The following TIAM1 variants were observed in gnomAD, a reference collection of about 807,000 sequenced individuals.
TIAM1 encodes TIAM Rac1 associated GEF 1.
In TIAM1, 65 loss-of-function variants were observed where a neutral mutation model predicts 163.5. The observed-to-expected ratio is 0.40, with a 90% CI of 0.33 to 0.49. The LOEUF (loss-of-function observed/expected upper bound fraction) is 0.49. Ranked by LOEUF, TIAM1 falls within the 20% of genes least tolerant of loss-of-function variation. TIAM1 has a pLI of 0.77. For missense variants in TIAM1, 1,789 were observed against 2,044.7 expected (o/e 0.87, Z 2.41); for synonymous variants, 833 against 810.1 (o/e 1.03, Z -0.48).
chr21:31,532,485 G>C (rs940300544), intron 1 of TIAM1, among the ~76,000 whole-genome samples: 1 of 152,084 alleles, frequency 6.6e-6, no homozygotes, highest in Non-Finnish European at 1.5e-5. Flanking sequence ...ACTTTTAAAG[G>C]GGAGTCAAGC....
intron 15 of TIAM1, among the ~76,000 whole-genome samples, chr21:31,176,742 CT>C (rs2084782889): frequency 6.6e-6 from 1 of 152,116 alleles, no homozygotes; most frequent in African/African-American, 2.4e-5. Context: ...TTCCAATTAT[CT>C]TATGATTCCA....
intron 2 of TIAM1, among the ~76,000 whole-genome samples, chr21:31,338,062 C>G (rs1020587221): frequency 6.6e-6 from 1 of 152,106 alleles, no homozygotes; most frequent in Non-Finnish European, 1.5e-5. Flanking sequence ...TCCAGGTCAA[C>G]CCGGAGGTTT....
intron 6 of TIAM1, among the ~76,000 whole-genome samples, chr21:31,228,217 T>C: frequency 4.8e-5 from 1 of 20,884 alleles, no homozygotes; most frequent in East Asian, 2.1e-3. Flanking sequence ...GGCCTCCTTT[T>C]TTTAAAAAAA....
intron 10 of TIAM1, 68 bp from the exon 11 acceptor site, chr21:31,210,283 G>T: frequency 6.5e-7 from 1 of 1,529,002 alleles, no homozygotes. Flanking sequence ...TTCCCAGACT[G>T]CACACAGGAA....
At chr21:31,545,249 G>C (rs990470435) in intron 1 of TIAM1, among the ~76,000 whole-genome samples, 15 of 152,150 alleles carry the variant, frequency 9.9e-5, no homozygotes, top group Admixed American at 9.8e-4. Context: ...ATGATAATGT[G>C]ACAAGCCAAG....
chr21:31,536,669 G>A (rs1232439087), intron 1 of TIAM1, among the ~76,000 whole-genome samples: 1 of 152,226 alleles, frequency 6.6e-6, no homozygotes, highest in African/African-American at 2.4e-5. Flanking sequence ...GGCAGGGCTG[G>A]GGTGAGCAAG....
chr21:31,337,706 A>G (rs2075889088), intron 2 of TIAM1, among the ~76,000 whole-genome samples: 2 of 151,364 alleles, frequency 1.3e-5, no homozygotes, highest in African/African-American at 4.9e-5. Flanking sequence ...TAATTTTTGT[A>G]TTTTAGTAGA....
At chr21:31,234,276 G>A (rs1282725367) in intron 6 of TIAM1, among the ~76,000 whole-genome samples, 1 of 145,176 alleles carries the variant, frequency 6.9e-6, no homozygotes, top group African/African-American at 2.5e-5. Context: ...AAAAGTACAG[G>A]TTACAATAAA....
chr21:31,500,430 C>G (rs1421200615), intron 1 of TIAM1, among the ~76,000 whole-genome samples: 2 of 97,006 alleles, frequency 2.1e-5, no homozygotes, highest in Non-Finnish European at 4.0e-5. Flanking sequence ...AGGCTTTTCC[C>G]CTTTGTCAGC....
At chr21:31,472,869 G>C (rs1187753018) in intron 1 of TIAM1, among the ~76,000 whole-genome samples, 1 of 152,210 alleles carries the variant, frequency 6.6e-6, no homozygotes, top group South Asian at 2.1e-4. Context: ...TTGGCATGGC[G>C]TACGCATCAG....
At chr21:31,435,729 A>G (rs1324350499) in intron 2 of TIAM1, among the ~76,000 whole-genome samples, 1 of 152,218 alleles carries the variant, frequency 6.6e-6, no homozygotes, top group African/African-American at 2.4e-5. Context: ...TTTAATCTCC[A>G]ATGCAACAAT....
rs1601352235 is a variant in TIAM1 at position 31,160,729 on chromosome 21, G to A, written c.2991+4233C>T. 7.9e-6 allele frequency: 3 copies of A among 381,416 alleles called. No homozygotes were observed. The East Asian group carries it at 1.1e-4, about 14-fold the overall frequency. 23.6% of individuals were successfully genotyped at this position (381,416 alleles called of 1,614,324 possible). A position where few individuals can be genotyped will look rare whatever the true frequency, so the allele number is the denominator to read the frequency against. On this transcript the variant is annotated intron_variant, in intron 16 of 27. Coordinates refer to ENST00000541036, the MANE Select transcript of TIAM1 (RefSeq NM_001353694.2). ...TCAACGCAGCAAGGACAGCGACGGT[G>A]AGACCCCGGAGCTGCACTCGCTTCC...
intron 6 of TIAM1, among the ~76,000 whole-genome samples, chr21:31,227,593 G>A (rs113066268): frequency 6.6e-6 from 1 of 151,192 alleles, no homozygotes; most frequent in African/African-American, 2.4e-5. Context: ...GACTGAGTGG[G>A]AGGAGGAGAG....
intron 27 of TIAM1, chr21:31,124,235 G>A: frequency 3.1e-6 from 1 of 326,386 alleles, no homozygotes; most frequent in Non-Finnish European, 5.5e-6. Flanking sequence ...GGATGTGTCT[G>A]CAACCCGACT....
At chr21:31,356,078 C>T (rs958717368) in intron 2 of TIAM1, among the ~76,000 whole-genome samples, 5 of 151,982 alleles carry the variant, frequency 3.3e-5, no homozygotes, top group African/African-American at 1.2e-4. Context: ...TAATTCAAGA[C>T]AAGAAGCATG....
At chr21:31,185,256 G>A (rs2085225457) in intron 14 of TIAM1, among the ~76,000 whole-genome samples, 1 of 151,712 alleles carries the variant, frequency 6.6e-6, no homozygotes, top group African/African-American at 2.4e-5. Flanking sequence ...AGTATAGTGG[G>A]TCGAATAGAG....
intron 2 of TIAM1, among the ~76,000 whole-genome samples, chr21:31,329,448 A>G (rs931349984): frequency 6.6e-6 from 1 of 152,204 alleles, no homozygotes; most frequent in Non-Finnish European, 1.5e-5. Flanking sequence ...GATAAGACTG[A>G]GGCAGGATTT....
At chr21:31,219,406 T>G (rs1569049981) in intron 8 of TIAM1, among the ~76,000 whole-genome samples, 1 of 152,148 alleles carries the variant, frequency 6.6e-6, no homozygotes, top group Non-Finnish European at 1.5e-5. Context: ...TGGAACCTAC[T>G]TGTAGATTCC....
At chr21:31,478,679 C>A (rs924547350) in intron 1 of TIAM1, among the ~76,000 whole-genome samples, 1 of 152,182 alleles carries the variant, frequency 6.6e-6, no homozygotes, top group South Asian at 2.1e-4. Context: ...TCATCCCCTA[C>A]CCATGAGTTT....
Sources: gnomAD v4.1 joint callset for allele counts (sites outside exome capture counted in the v4.1 genomes callset) on GRCh38, gnomAD v4.1.1 for gene constraint, MANE v1.5 for transcripts, NCBI Gene and HGNC (gene_info 2026-07-23, HGNC 2026-07-21) for gene names.